The following GMDS variants were observed in gnomAD, a reference collection of about 807,000 sequenced individuals.
GMDS encodes GDP-mannose 4,6 dehydratase.
In GMDS, 20 loss-of-function variants were observed where a neutral mutation model predicts 49.9. The ratio of observed to expected loss-of-function variants is 0.40; its 90% CI spans 0.28 to 0.58. The LOEUF (loss-of-function observed/expected upper bound fraction) is 0.58, where lower values mean the gene tolerates loss of function less well. Ranked by LOEUF, GMDS falls within the 20% of genes least tolerant of loss-of-function variation. The pLI, the probability that GMDS is intolerant of heterozygous loss-of-function variation, is 0.42. For synonymous variants in GMDS, 177 were observed against 178.6 expected (o/e 0.99, Z 0.07); for missense variants, 362 against 481.4 (o/e 0.75, Z 2.32).
chr6:2,126,895 A>G (rs1775480021), intron 1 of GMDS, among the ~76,000 whole-genome samples: 1 of 152,200 alleles, frequency 6.6e-6, no homozygotes, highest in African/African-American at 2.4e-5. Flanking sequence ...GGGCCTCCCA[A>G]AGGCTGAGAT....
At chr6:2,228,793 C>T in intron 1 of GMDS, among the ~76,000 whole-genome samples, 1 of 151,842 alleles carries the variant, frequency 6.6e-6, no homozygotes. Context: ...CCCTTTTTGC[C>T]CCTGGAATTA....
intron 4 of GMDS, among the ~76,000 whole-genome samples, chr6:1,972,738 C>T (rs946925986): frequency 2.0e-5 from 3 of 152,184 alleles, no homozygotes; most frequent in Admixed American, 6.5e-5. Flanking sequence ...CATTTCAACA[C>T]GACTATACAG....
chr6:1,969,000 A>G (rs540739396), intron 4 of GMDS, among the ~76,000 whole-genome samples: 17 of 152,068 alleles, frequency 1.1e-4, no homozygotes, highest in Non-Finnish European at 1.5e-4. Flanking sequence ...GGTGGCTCAC[A>G]CCTGTAATCC....
intron 7 of GMDS, among the ~76,000 whole-genome samples, chr6:1,838,201 C>G (rs1294213409): frequency 2.0e-5 from 3 of 152,174 alleles, no homozygotes; most frequent in Non-Finnish European, 4.4e-5. Flanking sequence ...TACAAATTTG[C>G]AAACTAATTA....
intron 4 of GMDS, among the ~76,000 whole-genome samples, chr6:2,081,949 A>G (rs1314740754): frequency 6.6e-6 from 1 of 152,166 alleles, no homozygotes; most frequent in Non-Finnish European, 1.5e-5. Context: ...AGCAAGCAGA[A>G]TGTGGTGTAA....
chr6:1,686,943 A>T (rs1395448108), intron 9 of GMDS, among the ~76,000 whole-genome samples: 2 of 152,268 alleles, frequency 1.3e-5, no homozygotes, highest in African/African-American at 4.8e-5. Context: ...GTCAGATAAT[A>T]GCTACCAGCA....
chr6:2,133,392 G>A (rs1033319436), intron 1 of GMDS, among the ~76,000 whole-genome samples: 1 of 152,152 alleles, frequency 6.6e-6, no homozygotes, highest in Non-Finnish European at 1.5e-5. Context: ...CATAAATACT[G>A]ATGACTATAT....
At chr6:1,904,971 G>T (rs1760683182) in intron 7 of GMDS, among the ~76,000 whole-genome samples, 1 of 152,228 alleles carries the variant, frequency 6.6e-6, no homozygotes, top group Admixed American at 6.5e-5. Context: ...AAACAAAGAA[G>T]AGGGGAAGCA....
At chr6:1,656,314 C>G (rs953141034) in intron 9 of GMDS, among the ~76,000 whole-genome samples, 1 of 152,150 alleles carries the variant, frequency 6.6e-6, no homozygotes, top group Non-Finnish European at 1.5e-5. Flanking sequence ...GGTTTTTGCC[C>G]TCTTTCTTTT....
At chr6:1,795,941 G>A (rs1769717787) in intron 7 of GMDS, among the ~76,000 whole-genome samples, 1 of 152,204 alleles carries the variant, frequency 6.6e-6, no homozygotes, top group African/African-American at 2.4e-5. Flanking sequence ...GCCAGAGATG[G>A]GGGGAAGGCG....
chr6:1,659,862 T>TAA lies in GMDS; in HGVS notation c.988-35324_988-35323dup, dbSNP rs138706225. Among the ~76,000 whole-genome samples, 13 of 148,994 alleles carry TAA rather than the reference T, an allele frequency of 8.7e-5. No homozygotes were observed. The East Asian group carries it at 1.4e-3, about 16-fold the overall frequency. On this transcript the variant is annotated intron_variant, in intron 9 of 10. Coordinates refer to ENST00000380815, the MANE Select transcript of GMDS (RefSeq NM_001500.4). Reference sequence around the variant, plus strand: ...ATCATAATTGTTACATAATATCCATTAAAAAAAAAAGAAAGAGTAACAGCC... The same window carrying TAA: ...ATCATAATTGTTACATAATATCCATTAAAAAAAAAAAAGAAAGAGTAACAGCC...
chr6:1,630,089 A>G (rs759080375), intron 9 of GMDS, among the ~76,000 whole-genome samples: 76 of 152,254 alleles, frequency 5.0e-4, no homozygotes, highest in African/African-American at 1.7e-3. Context: ...TTTTAAAAAT[A>G]TGGTTGACAT....
intron 7 of GMDS, among the ~76,000 whole-genome samples, chr6:1,892,642 G>A (rs1759926542): frequency 6.6e-6 from 1 of 152,144 alleles, no homozygotes; most frequent in African/African-American, 2.4e-5. Flanking sequence ...ACAGGCATGA[G>A]CCACCACACC....
At chr6:2,142,216 C>A (rs1027701101) in intron 1 of GMDS, among the ~76,000 whole-genome samples, 15 of 152,076 alleles carry the variant, frequency 9.9e-5, no homozygotes, top group African/African-American at 3.6e-4. Flanking sequence ...GTTTAAATAA[C>A]AATAACAACA....
chr6:1,734,338 A>G (rs1042447947), intron 8 of GMDS, among the ~76,000 whole-genome samples: 5 of 152,236 alleles, frequency 3.3e-5, no homozygotes, highest in Non-Finnish European at 7.3e-5. Flanking sequence ...TCTTAAGATT[A>G]ACGCCTACAT....
intron 4 of GMDS, among the ~76,000 whole-genome samples, chr6:2,045,749 A>T (rs572463466): frequency 6.6e-6 from 1 of 150,956 alleles, no homozygotes; most frequent in African/African-American, 2.4e-5. Flanking sequence ...GCACTGAAAT[A>T]AAAAAGAGCT....
intron 7 of GMDS, among the ~76,000 whole-genome samples, chr6:1,846,692 A>G (rs1382167953): frequency 6.6e-6 from 1 of 152,200 alleles, no homozygotes; most frequent in African/African-American, 2.4e-5. Context: ...TCTGAAAGAC[A>G]AGGGCTAGGC....
intron 4 of GMDS, among the ~76,000 whole-genome samples, chr6:2,065,069 G>C (rs6923662): frequency 0.2 from 31,157 of 151,986 alleles, 3,438 homozygotes; most frequent in East Asian, 0.23. Context: ...CATGCAGCTG[G>C]AGATCTGAGG....
At chr6:1,758,677 G>A (rs1768047841) in intron 7 of GMDS, among the ~76,000 whole-genome samples, 1 of 152,216 alleles carries the variant, frequency 6.6e-6, no homozygotes, top group South Asian at 2.1e-4. Flanking sequence ...GGTGAAGCAG[G>A]AGGCTGCTGA....
Sources: gnomAD v4.1 joint callset for allele counts (sites outside exome capture counted in the v4.1 genomes callset) on GRCh38, gnomAD v4.1.1 for gene constraint, MANE v1.5 for transcripts, NCBI Gene and HGNC (gene_info 2026-07-23, HGNC 2026-07-21) for gene names.